Variants in C4orf50 observed in about 807,000 individuals in gnomAD.
C4orf50 encodes uncharacterized protein C4orf50.
In C4orf50, 80 loss-of-function variants were observed where a neutral mutation model predicts 77.2. The observed-to-expected ratio is 1.04, with a 90% CI of 0.87 to 1.25. The LOEUF (loss-of-function observed/expected upper bound fraction) is 1.25, where lower values mean the gene tolerates loss of function less well. Ranked by LOEUF, C4orf50 falls within the 50% of genes most tolerant of loss-of-function variation. C4orf50 has a pLI of 0.00. For missense variants in C4orf50, 1,257 were observed against 1,152.9 expected (o/e 1.09, Z -1.31); for synonymous variants, 532 against 465.3 (o/e 1.14, Z -1.84).
chr4:5,951,309 A>G (rs1236910536), intron 7 of C4orf50, among the ~76,000 whole-genome samples: 1 of 148,220 alleles, frequency 6.7e-6, no homozygotes, highest in Non-Finnish European at 1.5e-5. Context: ...TCATAACAAT[A>G]TAGTAAAGCC....
rs538360273 is a variant in C4orf50 at position 6,018,100 on chromosome 4, G to A, written c.287+45C>T. The A allele has an allele frequency of 1.7e-4, 66 of 398,124 alleles. 1 individual carries two copies. Among genetic ancestry groups the A allele is most frequent in the African/African-American group, 6.4e-4 (31 of 48,726 alleles). 24.7% of individuals were successfully genotyped at this position (398,124 alleles called of 1,614,324 possible). Reference sequence around the variant, plus strand: ...CATGGTGACACACTCTGATGGCCCCGCGGTTTGTGAAATACACACAGAGAG... The same window carrying A: ...CATGGTGACACACTCTGATGGCCCCACGGTTTGTGAAATACACACAGAGAG... On this transcript the variant is annotated intron_variant, in intron 23 of 33. Coordinates refer to ENST00000531445, the Ensembl canonical transcript of C4orf50. This position sits in a 1 kb window ranked among gnomAD's most constrained non-coding sequence, Gnocchi z 5.1.
In C4orf50 at chr4:6,008,330, C is replaced by T; in HGVS notation, c.629G>A (p.Arg210Gln). The T allele has an allele frequency of 2.6e-6, 1 of 388,982 alleles. No individual in the cohort carries two copies. The highest frequency in any genetic ancestry group is 3.7e-5 in the East Asian group (1 of 27,108). 24.1% of individuals were successfully genotyped at this position (388,982 alleles called of 1,614,324 possible). Reference sequence around the variant, plus strand: ...GAGGCCCGCGGCGCGGCAGAGGCGCCGCACGTTGCGCTCCAGCCGCTGCAC... The same window carrying T: ...GAGGCCCGCGGCGCGGCAGAGGCGCTGCACGTTGCGCTCCAGCCGCTGCAC... The change falls in exon 25 of 34, where the codon CGG (arginine) becomes CAG (glutamine). Residue 210 changes from arginine (R) to glutamine (Q), a missense_variant. Physicochemically the swap from Arg to Gln is conservative, Grantham distance 43. Coordinates refer to ENST00000531445, the Ensembl canonical transcript of C4orf50. This position sits in a 1 kb window ranked among gnomAD's most constrained non-coding sequence, Gnocchi z 6.0.
At chr4:5,949,565 T>C (rs1401829125) in intron 7 of C4orf50, among the ~76,000 whole-genome samples, 1 of 152,170 alleles carries the variant, frequency 6.6e-6, no homozygotes, top group Non-Finnish European at 1.5e-5. Flanking sequence ...GAGTTACTGT[T>C]TAATGGGAAC....
intron 7 of C4orf50, chr4:5,899,773 G>C (rs1560531042): frequency 6.6e-6 from 1 of 152,226 alleles, no homozygotes; most frequent in East Asian, 1.9e-4. Context: ...TTTTCAAATA[G>C]ATCTCTGCCC....
At chr4:5,964,025 G>T (rs1489869213) in intron 33 of C4orf50, among the ~76,000 whole-genome samples, 11 of 73,236 alleles carry the variant, frequency 1.5e-4, no homozygotes, top group African/African-American at 6.9e-4. Flanking sequence ...GAAAAGCTAG[G>T]GGGAAACGTT....
At chr4:5,996,656 G>C (rs1721604341) in intron 25 of C4orf50, among the ~76,000 whole-genome samples, 1 of 152,320 alleles carries the variant, frequency 6.6e-6, no homozygotes, top group East Asian at 1.9e-4. Context: ...CTGTTGATCT[G>C]TATGATGGTT....
downstream of C4orf50, among the ~76,000 whole-genome samples, chr4:5,952,246 TGATA>T (rs563153832): frequency 5.3e-5 from 8 of 152,128 alleles, no homozygotes; most frequent in East Asian, 1.9e-4. This position sits in a 1 kb window ranked among gnomAD's most constrained non-coding sequence, Gnocchi z 4.4. Flanking sequence ...GATGGGTAGA[TGATA>T]GATAGATAGA....
At chr4:5,922,245 C>T (rs1717309049) in intron 7 of C4orf50, among the ~76,000 whole-genome samples, 1 of 152,220 alleles carries the variant, frequency 6.6e-6, no homozygotes. Context: ...CAGTGATGCA[C>T]GGGGACAGAG....
chr4:5,987,618 G>A (rs1577969085), intron 28 of C4orf50, among the ~76,000 whole-genome samples: 1 of 151,474 alleles, frequency 6.6e-6, no homozygotes, highest in Admixed American at 6.6e-5. Flanking sequence ...GGCAGGAGGG[G>A]GAGAGCAAGA....
chr4:5,918,174 A>G (rs74627305), intron 7 of C4orf50, among the ~76,000 whole-genome samples: 8,210 of 152,294 alleles, frequency 0.054, 379 homozygotes, highest in African/African-American at 0.12. Context: ...AGGTCATATC[A>G]TACAACCACC....
intron 25 of C4orf50, among the ~76,000 whole-genome samples, chr4:6,003,488 A>ATGGTGATGT (rs1408419131): frequency 1.4e-5 from 2 of 138,838 alleles, no homozygotes; most frequent in Non-Finnish European, 3.2e-5. Context: ...GGTCATGGTG[A>ATGGTGATGT]TGGTGATGTT....
chr4:5,899,412 G>C (rs1716253426), intron 7 of C4orf50: 1 of 152,216 alleles, frequency 6.6e-6, no homozygotes, highest in African/African-American at 2.4e-5. Context: ...GCAGTGACCA[G>C]TCACCAAGAG....
At chr4:5,949,358 C>T (rs889626326) in intron 7 of C4orf50, among the ~76,000 whole-genome samples, 3 of 152,200 alleles carry the variant, frequency 2.0e-5, no homozygotes, top group African/African-American at 7.2e-5. Flanking sequence ...ATTATTCACC[C>T]TCAAAAGAAG....
At chr4:6,001,378 A>C (rs1028319058) in intron 25 of C4orf50, among the ~76,000 whole-genome samples, 3 of 152,194 alleles carry the variant, frequency 2.0e-5, no homozygotes, top group Non-Finnish European at 4.4e-5. Flanking sequence ...ACTTTAGGTC[A>C]GGAGTTCGTG....
intron 32 of C4orf50, among the ~76,000 whole-genome samples, chr4:5,965,938 A>G (rs970777573): frequency 2.0e-5 from 3 of 152,224 alleles, no homozygotes; most frequent in African/African-American, 7.2e-5. Flanking sequence ...TCTCAATAGC[A>G]GCTTGGTCTT....
chr4:5,964,636 T>C (rs899917261), intron 33 of C4orf50, among the ~76,000 whole-genome samples: 1 of 151,534 alleles, frequency 6.6e-6, no homozygotes, highest in African/African-American at 2.4e-5. Context: ...GGCATGGTGG[T>C]GGGCGCCTGT....
intron 29 of C4orf50, among the ~76,000 whole-genome samples, chr4:5,979,079 G>A (rs1051536887): frequency 2.0e-5 from 3 of 152,194 alleles, no homozygotes; most frequent in African/African-American, 7.2e-5. Flanking sequence ...ATGGGCAAAT[G>A]AGTAGACTTG....
At chr4:5,981,995 G>T (rs1205908097) in intron 28 of C4orf50, among the ~76,000 whole-genome samples, 2 of 152,086 alleles carry the variant, frequency 1.3e-5, no homozygotes, top group Non-Finnish European at 2.9e-5. Flanking sequence ...AAGAATTCAG[G>T]TGACTCCAGG....
intron 29 of C4orf50, 92 bp from the exon 8 acceptor site, chr4:5,976,047 A>C (rs1720262088): frequency 9.8e-7 from 1 of 1,021,594 alleles, no homozygotes. Context: ...AACAGCTGGC[A>C]GTTGCCTGCC....
Sources: gnomAD v4.1 joint callset for allele counts (sites outside exome capture counted in the v4.1 genomes callset) on GRCh38, gnomAD v4.1.1 for gene constraint, Gnocchi (gnomAD v3.1) non-coding constraint, MANE v1.5 for transcripts, NCBI Gene and HGNC (gene_info 2026-07-23, HGNC 2026-07-21) for gene names.